NUMA1: variants seen among roughly 807,000 people sequenced by gnomAD.
NUMA1 encodes the protein nuclear mitotic apparatus protein 1.
In NUMA1, 62 loss-of-function variants were observed where a neutral mutation model predicts 237.1. That is an observed-to-expected ratio of 0.26 (90% CI 0.21 to 0.32). The LOEUF is 0.32. NUMA1 is among the 10% of genes least tolerant of loss of function. The probability of loss-of-function intolerance (pLI) is 1.00; values close to 1 mark genes in which losing one functional copy is unlikely to be tolerated. For missense variants in NUMA1, 2,533 were observed against 2,666.5 expected, an observed-to-expected ratio of 0.95 and a Z score of 1.10; for synonymous variants, 1,028 against 1,066.1, an observed-to-expected ratio of 0.96 and a Z score of 0.70.
At position 72,004,828 on chromosome 11, in the gene NUMA1, GAA is replaced by G; in HGVS notation, c.5830-14_5830-13del. On this transcript the variant is annotated splice_polypyrimidine_tract_variant and intron_variant, in intron 23 of 26. Transcript: ENST00000393695. ...AGGCTCAGGGAAGGCTGCATGGGTG[GAA>G]GAGGTGGTCAGTGGACCATAGCTGT... 6.4e-7 allele frequency: 1 copy of G among 1,556,788 alleles called. No homozygotes were observed. Among genetic ancestry groups the G allele is most frequent in the Non-Finnish European group, 8.7e-7 (1 of 1,153,014 alleles).
chr11:72,052,317 A>G (rs1238331041), intron 2 of NUMA1, among the ~76,000 whole-genome samples: 1 of 152,190 alleles, frequency 6.6e-6, no homozygotes, highest in Non-Finnish European at 1.5e-5. Flanking sequence ...AGGAAGTGAC[A>G]TTTAAGCTAG....
At chr11:72,068,796 C>T (rs1047609987) in intron 2 of NUMA1, among the ~76,000 whole-genome samples, 3 of 152,186 alleles carry the variant, frequency 2.0e-5, no homozygotes, top group African/African-American at 7.2e-5. Context: ...AAGTTATTTA[C>T]TTATTCTAAC....
intron 19 of NUMA1, 29 bp from the exon 20 acceptor site, chr11:72,008,874 GAAGAA>G: frequency 6.2e-7 from 1 of 1,613,810 alleles, no homozygotes; most frequent in Non-Finnish European, 8.5e-7. Flanking sequence ...GGGGGAGAGT[GAAGAA>G]AAGCCTAAGG....
rs528176999 is a variant in NUMA1, at chr11:72,051,075, G to A, written c.-32-15100C>T. ...CTGGCTATTTTTAATTTTTAGTAGC[G>A]ATGAAGTCTCGCTATGTTGCCTAGG... On this transcript the variant is annotated intron_variant, in intron 2 of 26. Transcript: ENST00000393695. 3.8e-3 allele frequency among the ~76,000 whole-genome samples: 572 copies of A among 152,100 alleles called. 3 individuals carry two copies. The highest frequency in any genetic ancestry group is 0.013 in the African/African-American group (552 of 41,480).
chr11:72,018,930 G>C lies in NUMA1; in HGVS notation c.635C>G (p.Pro212Arg), dbSNP rs78911887. Residue 212 changes from proline (P) to arginine (R), a missense_variant, in exon 10 of 27, where the codon CCA becomes CGA. Pro to Arg is a moderately radical substitution (Grantham distance 103, BLOSUM62 -2). Coordinates refer to ENST00000393695, the MANE Select transcript of NUMA1 (RefSeq NM_006185.4). ...ASPMGDILQT[P>R]QFQMRRLKKQ... ...CTTCAGCCGTCTCATCTGGAACTGTGGGGTCTGCAGGATATCACCCATGGG... is the reference window on the plus strand; with the variant it reads ...CTTCAGCCGTCTCATCTGGAACTGTCGGGTCTGCAGGATATCACCCATGGG... The C allele has an allele frequency of 1.2e-6, 2 of 1,613,974 alleles. No homozygotes were observed. Among genetic ancestry groups the C allele is most frequent in the Admixed American group, 3.3e-5 (2 of 60,002 alleles).
intron 20 of NUMA1, chr11:72,007,688 C>A (rs1955839036): frequency 3.7e-6 from 2 of 541,136 alleles, no homozygotes; most frequent in Non-Finnish European, 6.6e-6. Flanking sequence ...CACCAGATGC[C>A]CATGGCTGCT....
intron 2 of NUMA1, 112 bp downstream of exon 2, chr11:72,069,730 A>G (rs1943362002): frequency 6.6e-6 from 1 of 152,234 alleles, no homozygotes; most frequent in Non-Finnish European, 1.5e-5. Flanking sequence ...ATTGAAAGAC[A>G]AAGACAATCA....
chr11:72,054,246 G>A (rs982292905), intron 2 of NUMA1, among the ~76,000 whole-genome samples: 6 of 151,998 alleles, frequency 3.9e-5, no homozygotes, highest in Middle Eastern at 3.2e-3. Flanking sequence ...CAGGTGGATC[G>A]CTTGAGGCCA....
Position 72,018,955 on chromosome 11 carries a change from G to A in NUMA1, c.610C>T (p.Pro204Ser), listed in dbSNP as rs935063880. The A allele has an allele frequency of 2.4e-5, 38 of 1,613,852 alleles. No homozygotes were observed. The highest frequency in any genetic ancestry group is 3.0e-5 in the Non-Finnish European group (35 of 1,180,004). Residue 204 changes from proline (P) to serine (S), a missense_variant, in exon 10 of 27, where the codon CCC becomes TCC. By Grantham distance (74) the Pro-to-Ser change is moderately conservative. This residue lies in a region of NUMA1 where 1,414 missense variants were observed against 1,508.1 expected (regional missense o/e 0.94). Transcript: ENST00000393695. ...NNFLSGSPAS[P>S]MGDILQTPQF... ...GGGGTCTGCAGGATATCACCCATGGGAGAAGCTGGAGAACCTGAGAGAAAG... is the reference window on the plus strand; with the variant it reads ...GGGGTCTGCAGGATATCACCCATGGAAGAAGCTGGAGAACCTGAGAGAAAG...
Position 72,005,237 on chromosome 11 carries a change from G to T in NUMA1, c.5825C>A (p.Ser1942Tyr). 6.3e-7 allele frequency: 1 copy of T among 1,594,546 alleles called. No homozygotes were observed. The highest frequency in any genetic ancestry group is 8.5e-7 in the Non-Finnish European group (1 of 1,172,014). ...CACAGTGACCCCAGGCCTCACCCTG[G>T]ACTCCAGGGGATAGCAGGTCTTCAG... Reference protein sequence around the residue: ...PHLKTCYPLESRPSLSLGTIT... With the variant: ...PHLKTCYPLEYRPSLSLGTIT... Residue 1942 changes from serine to tyrosine, a missense_variant, in exon 23 of 27, where the codon TCC becomes TAC. Around this residue, in one of 3 missense-constraint regions of NUMA1, gnomAD observed 795 missense variants for 750.8 expected, o/e 1.06. Coordinates refer to ENST00000393695, the MANE Select transcript of NUMA1 (RefSeq NM_006185.4).
At chr11:72,007,901 C>T in intron 20 of NUMA1, 3 of 353,630 alleles carry the variant, frequency 8.5e-6, no homozygotes, top group South Asian at 6.7e-5. Context: ...ATGTCCTTTC[C>T]CTGGTCTGCT....
At chr11:72,076,220 A>G (rs1180496634) in intron 1 of NUMA1, among the ~76,000 whole-genome samples, 2 of 151,386 alleles carry the variant, frequency 1.3e-5, no homozygotes, top group East Asian at 3.9e-4. Flanking sequence ...CAGAAAATAT[A>G]AAAATTTGCC....
intron 4 of NUMA1, among the ~76,000 whole-genome samples, chr11:72,027,002 C>A (rs1186830154): frequency 3.9e-5 from 6 of 152,192 alleles, no homozygotes; most frequent in Admixed American, 2.0e-4. Context: ...TGCAAATGAG[C>A]ATCTTGAATT....
intron 1 of NUMA1, among the ~76,000 whole-genome samples, chr11:72,075,042 T>TAAATAAATAAATAAATAAAC (rs1943644499): frequency 6.6e-6 from 1 of 150,636 alleles, no homozygotes; most frequent in African/African-American, 2.4e-5. Flanking sequence ...TCAAAATAAA[T>TAAATAAATAAATAAATAAAC]AAATAAATAA....
intron 14 of NUMA1, 70 bp from the exon 15 acceptor site, chr11:72,016,330 G>A: frequency 1.3e-6 from 2 of 1,587,456 alleles, no homozygotes; most frequent in Non-Finnish European, 1.7e-6. Flanking sequence ...TGGAAATGGA[G>A]GAACACCAGG....
chr11:72,021,365 C>A, intron 7 of NUMA1, 74 bp from the exon 8 acceptor site: 3 of 1,337,824 alleles, frequency 2.2e-6, no homozygotes, highest in South Asian at 1.2e-5. Flanking sequence ...GAGCTCCACC[C>A]TGGCAGTGCC....
chr11:72,020,608 C>T (rs1422952549), intron 8 of NUMA1: 2 of 152,352 alleles, frequency 1.3e-5, no homozygotes, highest in African/African-American at 4.8e-5. Flanking sequence ...CGCAGTGGCT[C>T]ATGCCTGTAT....
intron 2 of NUMA1, among the ~76,000 whole-genome samples, chr11:72,048,941 A>G (rs1942156915): frequency 6.6e-6 from 1 of 152,266 alleles, no homozygotes; most frequent in Non-Finnish European, 1.5e-5. Flanking sequence ...CCATGGCCTC[A>G]TTGTCCCTCT....
chr11:72,024,296 G>C lies in NUMA1; in HGVS notation c.186C>G (p.Asp62Glu). Reference protein sequence around the residue: ...ILKQPVSERLDFVCSFLQKNR... With the variant: ...ILKQPVSERLEFVCSFLQKNR... ...TACTCTGCAGAAAACTGCACACAAA[G>C]TCCAGTCTCTCTGACACCGGCTGCT... The change falls in exon 5 of 27, where the codon GAC (aspartate) becomes GAG (glutamate). Residue 62 changes from aspartate to glutamate, a missense_variant. Physicochemically the swap from Asp to Glu is conservative, Grantham distance 45. This residue lies in a region of NUMA1 where 1,414 missense variants were observed against 1,508.1 expected (regional missense o/e 0.94). Transcript: ENST00000393695. 1 of 1,614,186 alleles carries C rather than the reference G, an allele frequency of 6.2e-7. No individual in the cohort carries two copies. The highest frequency in any genetic ancestry group is 2.2e-5 in the East Asian group (1 of 44,894).
Sources: allele counts gnomAD v4.1 joint callset (sites outside exome capture counted in the v4.1 genomes callset), GRCh38; gene constraint gnomAD v4.1.1; regional missense constraint gnomAD v4.1.1; transcripts MANE v1.5; gene names NCBI Gene and HGNC (gene_info 2026-07-23, HGNC 2026-07-21).